CAMK4: variants seen among roughly 807,000 people sequenced by gnomAD.
The protein encoded by CAMK4 is calcium/calmodulin dependent protein kinase IV.
Under a neutral mutation model 44.9 loss-of-function variants are expected in CAMK4, and 22 were observed. The observed-to-expected ratio is 0.49, with a 90% CI of 0.35 to 0.70. The LOEUF (loss-of-function observed/expected upper bound fraction) is 0.70. Among genes scored for constraint, CAMK4 ranks in the 30% least tolerant of loss-of-function variants. The pLI is 0.01. For missense variants in CAMK4, 498 were observed against 586.8 expected (o/e 0.85, Z 1.56); for synonymous variants, 218 against 215.4 (o/e 1.01, Z -0.11).
chr5:111,387,461 T>C (rs958369456), intron 4 of CAMK4, among the ~76,000 whole-genome samples: 2 of 152,210 alleles, frequency 1.3e-5, no homozygotes, highest in Non-Finnish European at 2.9e-5. Flanking sequence ...TCCAGCAATA[T>C]CTAAAACTAT....
At chr5:111,308,720 A>T (rs1234052607) in intron 1 of CAMK4, among the ~76,000 whole-genome samples, 1 of 152,210 alleles carries the variant, frequency 6.6e-6, no homozygotes, top group Non-Finnish European at 1.5e-5. Flanking sequence ...ATGTTATGGA[A>T]AACAATAGCT....
At chr5:111,405,393 G>T (rs749322605) in intron 5 of CAMK4, among the ~76,000 whole-genome samples, 1 of 152,056 alleles carries the variant, frequency 6.6e-6, no homozygotes, top group Non-Finnish European at 1.5e-5. Context: ...ATTTGAACCC[G>T]GTAGGCAGAG....
In CAMK4 at chr5:111,367,133, G is replaced by A. The variant is rs572046691; in HGVS notation, c.241-7717G>A. 1.1e-4 allele frequency among the ~76,000 whole-genome samples: 17 copies of A among 150,152 alleles called. No individual in the cohort carries two copies. In the East Asian group the frequency reaches 3.3e-3, roughly 29 times the overall value. ...TACCTGGTGTCTTAGTCCATTTTCT[G>A]TTGCTATAAACAGAATACCGCATTC... On this transcript the variant is annotated intron_variant, in intron 2 of 10. Coordinates refer to ENST00000282356, the MANE Select transcript of CAMK4 (RefSeq NM_001744.6).
chr5:111,312,154 C>G (rs191987192), intron 1 of CAMK4, among the ~76,000 whole-genome samples: 5 of 152,212 alleles, frequency 3.3e-5, no homozygotes, highest in African/African-American at 1.2e-4. Flanking sequence ...ACCCTGCAAC[C>G]TGGCCAAATG....
At chr5:111,459,585 A>G (rs1754561088) in intron 7 of CAMK4, among the ~76,000 whole-genome samples, 1 of 152,122 alleles carries the variant, frequency 6.6e-6, no homozygotes, top group Non-Finnish European at 1.5e-5. Flanking sequence ...AAGTTAACCA[A>G]ATATATTTTG....
chr5:111,322,123 T>G (rs1342402330), intron 1 of CAMK4, among the ~76,000 whole-genome samples: 1 of 152,048 alleles, frequency 6.6e-6, no homozygotes, highest in African/African-American at 2.4e-5. Flanking sequence ...AATAAAGGGC[T>G]GTGATCATTG....
intron 1 of CAMK4, among the ~76,000 whole-genome samples, chr5:111,297,788 T>G (rs1223892910): frequency 1.3e-5 from 2 of 152,358 alleles, no homozygotes; most frequent in East Asian, 3.9e-4. Flanking sequence ...TGGTACTAAT[T>G]CCTCTAGGTT....
chr5:111,266,333 C>G (rs1037029950), intron 1 of CAMK4, among the ~76,000 whole-genome samples: 6 of 152,070 alleles, frequency 3.9e-5, no homozygotes, highest in Non-Finnish European at 5.9e-5. Context: ...CAACCCAGCC[C>G]TTTTCACTTT....
intron 1 of CAMK4, among the ~76,000 whole-genome samples, chr5:111,312,698 T>C (rs1200023805): frequency 6.6e-6 from 1 of 152,162 alleles, no homozygotes; most frequent in Admixed American, 6.6e-5. Context: ...CTTCTAAGTC[T>C]TGTGGAACCA....
intron 5 of CAMK4, among the ~76,000 whole-genome samples, chr5:111,422,400 C>G (rs879582780): frequency 1.3e-5 from 2 of 152,180 alleles, no homozygotes; most frequent in African/African-American, 4.8e-5. Context: ...AACTGAAACT[C>G]AGAGATGGGC....
chr5:111,224,596 A>T lies in CAMK4; in HGVS notation c.113A>T (p.Asn38Ile). 6.2e-7 allele frequency: 1 copy of T among 1,612,134 alleles called. No homozygotes were observed. The highest frequency in any genetic ancestry group is 8.5e-7 in the Non-Finnish European group (1 of 1,179,634). The change falls in exon 1 of 11, where the codon AAC becomes ATC. Residue 38 changes from asparagine to isoleucine, a missense_variant. Around this residue, in one of 3 missense-constraint regions of CAMK4, gnomAD observed 152 missense variants for 143.7 expected, o/e 1.06. Coordinates refer to ENST00000282356, the MANE Select transcript of CAMK4 (RefSeq NM_001744.6). The surrounding 1 kb of genome is among the most constrained non-coding windows in gnomAD (Gnocchi z 5.7). ...LVPDYWIDGSNRDALSDFFEV... is the reference protein window; with the variant it reads ...LVPDYWIDGSIRDALSDFFEV... Reference sequence around the variant, plus strand: ...CCGGATTACTGGATCGACGGCTCCAACAGGGATGCGCTGAGCGATTTCTTC... The same window carrying T: ...CCGGATTACTGGATCGACGGCTCCATCAGGGATGCGCTGAGCGATTTCTTC...
chr5:111,257,886 A>G (rs1397985442), intron 1 of CAMK4, among the ~76,000 whole-genome samples: 1 of 152,218 alleles, frequency 6.6e-6, no homozygotes, highest in African/African-American at 2.4e-5. Flanking sequence ...TAAGCAAACT[A>G]ACACAGAAAC....
chr5:111,302,208 T>G (rs1337592884), intron 1 of CAMK4: 1 of 152,464 alleles, frequency 6.6e-6, no homozygotes, highest in African/African-American at 2.4e-5. Context: ...GGGTCCCAAT[T>G]ACCTTATAAA....
Position 111,487,712 on chromosome 5 carries a change from A to T in CAMK4, c.*3246A>T, listed in dbSNP as rs750677924. 6.6e-5 allele frequency: 10 copies of T among 152,186 alleles called. No homozygotes were observed. Among genetic ancestry groups the T allele is most frequent in the Admixed American group, 3.3e-4 (5 of 15,272 alleles). 9.4% of individuals were successfully genotyped at this position (152,186 alleles called of 1,614,324 possible). On this transcript the variant is annotated 3_prime_UTR_variant, in exon 11 of 11. Transcript: ENST00000282356. The stretch of plus-strand genomic sequence containing the variant: ...TAGGCCTTTGGGACATCAAGTGCTC[A>T]ATAGTCACATGTGGCTAGTGGCTAC...
intron 1 of CAMK4, among the ~76,000 whole-genome samples, chr5:111,254,179 G>C (rs1307475478): frequency 2.6e-5 from 4 of 152,200 alleles, no homozygotes; most frequent in Non-Finnish European, 5.9e-5. Flanking sequence ...TTGAGGGCAA[G>C]GGCCTTTGTT....
chr5:111,297,401 G>A (rs946550333), intron 1 of CAMK4, among the ~76,000 whole-genome samples: 3 of 152,214 alleles, frequency 2.0e-5, no homozygotes, highest in Admixed American at 6.5e-5. Flanking sequence ...ACTGCACTTC[G>A]TCAAACCTAT....
In CAMK4 at chr5:111,339,703, A is replaced by G. The variant is rs145666998; in HGVS notation, c.162-4321A>G. 2.1e-3 allele frequency among the ~76,000 whole-genome samples: 311 copies of G among 151,318 alleles called. 1 individual carries two copies. Among genetic ancestry groups the G allele is most frequent in the African/African-American group, 6.5e-3 (269 of 41,390 alleles). ...CTTTTTGCTCAAGATTACTTTGACT[A>G]TTTGGGGTCTTTTGTGATTCCACAG... On this transcript the variant is annotated intron_variant, in intron 1 of 10. Coordinates refer to ENST00000282356, the MANE Select transcript of CAMK4 (RefSeq NM_001744.6).
At chr5:111,468,119 A>T (rs1309677578) in intron 7 of CAMK4, among the ~76,000 whole-genome samples, 2 of 152,192 alleles carry the variant, frequency 1.3e-5, no homozygotes, top group African/African-American at 4.8e-5. Flanking sequence ...GGAGATAAGC[A>T]TTTGAATGCA....
intron 7 of CAMK4, among the ~76,000 whole-genome samples, chr5:111,465,410 A>G (rs1754791244): frequency 6.6e-6 from 1 of 152,162 alleles, no homozygotes; most frequent in Non-Finnish European, 1.5e-5. Flanking sequence ...AATAAATGAA[A>G]CTAAAAGCTG....
Sources: allele counts gnomAD v4.1 joint callset (sites outside exome capture counted in the v4.1 genomes callset), GRCh38; gene constraint gnomAD v4.1.1; regional missense constraint gnomAD v4.1.1; non-coding constraint Gnocchi (gnomAD v3.1); transcripts MANE v1.5; gene names NCBI Gene and HGNC (gene_info 2026-07-23, HGNC 2026-07-21).